The following KLRD1 variants were observed in gnomAD, a reference collection of about 807,000 sequenced individuals.
KLRD1 encodes the protein killer cell lectin like receptor D1, also known as natural killer cells antigen CD94.
A neutral mutation model predicts 22.6 loss-of-function variants in KLRD1; 21 were observed. The observed-to-expected ratio is 0.93, with a 90% CI of 0.66 to 1.34. The LOEUF is 1.34. Among genes scored for constraint, KLRD1 ranks in the 40% most tolerant of loss-of-function variants. The pLI is 0.00. For synonymous variants in KLRD1, 59 were observed against 71.1 expected (o/e 0.83, Z 0.85); for missense variants, 183 against 208.6 (o/e 0.88, Z 0.76).
chr12:10,303,913 G>T (rs368608283), upstream of KLRD1, among the ~76,000 whole-genome samples: 2 of 152,272 alleles, frequency 1.3e-5, no homozygotes, highest in South Asian at 4.2e-4. Flanking sequence ...GTAAAACAAA[G>T]GTTCCTAGAT....
chr12:10,241,676 A>G (rs747066587), intron 1 of KLRD1, among the ~76,000 whole-genome samples: 58 of 152,172 alleles, frequency 3.8e-4, no homozygotes, highest in Non-Finnish European at 6.0e-4. Context: ...ATAGTTAGGA[A>G]GAAATTTGTC....
At chr12:10,258,812 A>T (rs544060705) in intron 1 of KLRD1, among the ~76,000 whole-genome samples, 1 of 152,318 alleles carries the variant, frequency 6.6e-6, no homozygotes, top group East Asian at 1.9e-4. Context: ...TCTTCACACA[A>T]ATGCATATGG....
chr12:10,248,823 C>T lies in KLRD1; in HGVS notation c.-101+22590C>T, dbSNP rs529653636. On this transcript the variant is annotated intron_variant, in intron 1 of 5. Coordinates refer to the KLRD1 transcript ENST00000544747. The stretch of plus-strand genomic sequence containing the variant: ...ATGTTGTCTAGGCTGGTCTTGAACT[C>T]CTGACCTCAGGTGATCCACCCACCT... Among the ~76,000 whole-genome samples, 14 of 152,062 alleles carry T rather than the reference C, an allele frequency of 9.2e-5. No homozygotes were observed. The South Asian group carries it at 2.9e-3, about 32-fold the overall frequency.
intron 1 of KLRD1, among the ~76,000 whole-genome samples, chr12:10,288,676 ATAAAG>A (rs1949735048): frequency 6.6e-6 from 1 of 152,266 alleles, no homozygotes; most frequent in South Asian, 2.1e-4. Context: ...AGAGCCTGGC[ATAAAG>A]TAAACTCAAA....
chr12:10,293,843 G>C (rs1410169115), intron 1 of KLRD1, among the ~76,000 whole-genome samples: 5 of 152,192 alleles, frequency 3.3e-5, no homozygotes, highest in Non-Finnish European at 5.9e-5. Flanking sequence ...CCCAACAGCA[G>C]GGACAAGGGA....
chr12:10,301,870 G>C (rs1224931771), upstream of KLRD1, among the ~76,000 whole-genome samples: 1 of 152,104 alleles, frequency 6.6e-6, no homozygotes, highest in Non-Finnish European at 1.5e-5. Context: ...AACACATGAG[G>C]CCATTGTAGG....
chr12:10,263,529 G>A (rs1403718869), intron 1 of KLRD1, among the ~76,000 whole-genome samples: 2 of 151,964 alleles, frequency 1.3e-5, no homozygotes, highest in African/African-American at 2.4e-5. Flanking sequence ...ATGGTCCGTG[G>A]TCACGTATAA....
intron 1 of KLRD1, among the ~76,000 whole-genome samples, chr12:10,246,724 C>A (rs954712686): frequency 6.6e-6 from 1 of 151,986 alleles, no homozygotes; most frequent in Non-Finnish European, 1.5e-5. Flanking sequence ...CTATAATGTG[C>A]AAATAATTTT....
chr12:10,269,524 G>T (rs527733738), intron 1 of KLRD1, among the ~76,000 whole-genome samples: 130 of 152,210 alleles, frequency 8.5e-4, no homozygotes, highest in African/African-American at 2.9e-3. Context: ...TACTTATTTT[G>T]TCTGCAGTAT....
intron 1 of KLRD1, among the ~76,000 whole-genome samples, chr12:10,240,933 C>T (rs972356678): frequency 7.2e-5 from 11 of 152,054 alleles, no homozygotes; most frequent in African/African-American, 2.4e-4. Flanking sequence ...CTGATTGCAC[C>T]TCCGTATGTA....
rs1950304447 is a variant in KLRD1, at chr12:10,320,688, C to T, written c.*5895C>T. On this transcript the variant is annotated 3_prime_UTR_variant, in exon 6 of 6. Coordinates refer to ENST00000336164, the MANE Select transcript of KLRD1 (RefSeq NM_002262.5). Reference sequence around the variant, plus strand: ...AAATGCTAAAATTGAGAAATAGATTCTGAGCAAAGATCCAATCTAGAGTGC... The same window carrying T: ...AAATGCTAAAATTGAGAAATAGATTTTGAGCAAAGATCCAATCTAGAGTGC... 1 of 152,050 alleles carries T rather than the reference C, an allele frequency of 6.6e-6. No individual in the cohort carries two copies. Among genetic ancestry groups the T allele is most frequent in the Non-Finnish European group, 1.5e-5 (1 of 68,028 alleles). The allele number at this position is 152,050 out of a possible 1,614,324, so 9.4% of individuals were successfully genotyped here. A position where few individuals can be genotyped will look rare whatever the true frequency, so the allele number is the denominator to read the frequency against.
In KLRD1 at chr12:10,320,177, A is replaced by G. The variant is rs1419840986; in HGVS notation, c.*5384A>G. The G allele has an allele frequency of 1.3e-5, 2 of 151,630 alleles. No individual in the cohort carries two copies. The highest frequency in any genetic ancestry group is 2.9e-5 in the Non-Finnish European group (2 of 67,894). 9.4% of individuals were successfully genotyped at this position (151,630 alleles called of 1,614,324 possible). On this transcript the variant is annotated 3_prime_UTR_variant, in exon 6 of 6. Coordinates refer to ENST00000336164, the MANE Select transcript of KLRD1 (RefSeq NM_002262.5). ...GCCACTGCGCCCAGACATAACTTTT[A>G]TTCTTTTAAGTCACTAAATATTAAC...
At chr12:10,296,032 T>C in intron 1 of KLRD1, among the ~76,000 whole-genome samples, 1 of 152,320 alleles carries the variant, frequency 6.6e-6, no homozygotes. Context: ...TGTAGCTTTT[T>C]TTCCTATTTC....
chr12:10,256,050 A>G (rs937764746), intron 1 of KLRD1, among the ~76,000 whole-genome samples: 1 of 152,056 alleles, frequency 6.6e-6, no homozygotes, highest in African/African-American at 2.4e-5. Context: ...TTCTTGAGGA[A>G]TTGACACTTT....
At chr12:10,313,280 G>A (rs1950140739) in intron 4 of KLRD1, 130 bp from the exon 5 acceptor site, 1 of 509,236 alleles carries the variant, frequency 2.0e-6, no homozygotes, top group Non-Finnish European at 3.5e-6. Flanking sequence ...TAAATAGGAA[G>A]TTAAAAATAA....
intron 3 of KLRD1, among the ~76,000 whole-genome samples, chr12:10,310,301 G>T (rs1044408193): frequency 6.6e-6 from 1 of 152,098 alleles, no homozygotes. Context: ...TGTGTTATTA[G>T]TAGAGTCAGG....
intron 1 of KLRD1, among the ~76,000 whole-genome samples, chr12:10,275,848 G>A (rs563018118): frequency 1.3e-5 from 2 of 152,208 alleles, no homozygotes; most frequent in South Asian, 4.1e-4. Context: ...TATATGTAGA[G>A]ATTAATGAAT....
rs1555110806 is a variant in KLRD1 at position 10,311,585 on chromosome 12, C to A, written c.285C>A (p.Ser95Arg). ...SRHLCASQKS[S>R]LLQLQNTDEL... The stretch of plus-strand genomic sequence containing the variant: ...ATCTCTGTGCTTCTCAGAAATCCAG[C>A]CTGCTTCAGCTTCAAAACACAGATG... Residue 95 changes from serine to arginine, a missense_variant, in exon 4 of 6, where the codon AGC becomes AGA. Physicochemically the swap from Ser to Arg is moderately radical, Grantham distance 110. Coordinates refer to ENST00000336164, the MANE Select transcript of KLRD1 (RefSeq NM_002262.5). The A allele has an allele frequency of 1.7e-5, 28 of 1,614,008 alleles. No individual in the cohort carries two copies. The highest frequency in any genetic ancestry group is 2.4e-5 in the Non-Finnish European group (28 of 1,179,924).
At chr12:10,304,096 C>T (rs1181052582), upstream of KLRD1, among the ~76,000 whole-genome samples, 1 of 152,326 alleles carries the variant, frequency 6.6e-6, no homozygotes, top group Middle Eastern at 3.4e-3. Flanking sequence ...CAAGCATCCT[C>T]AGAGATTTCA....
Sources: allele counts gnomAD v4.1 joint callset (sites outside exome capture counted in the v4.1 genomes callset), GRCh38; gene constraint gnomAD v4.1.1; transcripts MANE v1.5; gene names NCBI Gene and HGNC (gene_info 2026-07-23, HGNC 2026-07-21).